The following IQCE variants were observed in gnomAD, a reference collection of about 807,000 sequenced individuals.
The protein encoded by IQCE is IQ motif containing E.
Under a neutral mutation model 96.0 loss-of-function variants are expected in IQCE, and 115 were observed. The observed-to-expected ratio is 1.20, with a 90% CI of 1.03 to 1.40. The LOEUF (loss-of-function observed/expected upper bound fraction) is 1.40, where lower values mean the gene tolerates loss of function less well. Ranked by LOEUF, IQCE falls within the 40% of genes most tolerant of loss-of-function variation. IQCE has a pLI of 0.00. For missense variants in IQCE, 1,041 were observed against 909.1 expected, an observed-to-expected ratio of 1.15 and a Z score of -1.87; for synonymous variants, 412 against 371.2, an observed-to-expected ratio of 1.11 and a Z score of -1.26.
In IQCE at chr7:2,559,289, C is replaced by T. The variant is rs529598955; in HGVS notation, c.36+72C>T. ...TCGGCTCGTCTCCGTCGCCCGCAGC[C>T]TCGGGGCCCCGCGCAGGGGCCGGCC... is the stretch of plus-strand genomic sequence containing the variant. On this transcript the variant is annotated intron_variant, in intron 1 of 21. Coordinates refer to ENST00000402050, the MANE Select transcript of IQCE (RefSeq NM_152558.5). 5.2e-4 allele frequency: 508 copies of T among 977,198 alleles called. 12 individuals are homozygous for T. In the East Asian group the frequency reaches 0.018, roughly 34 times the overall value. The allele number at this position is 977,198 out of a possible 1,614,324, so 60.5% of individuals were successfully genotyped here.
intron 18 of IQCE, among the ~76,000 whole-genome samples, chr7:2,603,308 C>T (rs888194290): frequency 8.5e-5 from 13 of 152,164 alleles, no homozygotes; most frequent in Admixed American, 5.9e-4. Flanking sequence ...GCCAGCCTCC[C>T]GTCAGAATGC....
At position 2,601,512 on chromosome 7, in the gene IQCE, T is replaced by C. The variant is rs1396176037; in HGVS notation, c.1632+48T>C. The stretch of plus-strand genomic sequence containing the variant: ...TTCAAAATTCGGATTTGTATTTTGT[T>C]GAAAAGTAGGTGAGGGGATATTTAA... On this transcript the variant is annotated intron_variant, in intron 18 of 21. Coordinates refer to ENST00000402050, the MANE Select transcript of IQCE (RefSeq NM_152558.5). The C allele has an allele frequency of 2.2e-6, 3 of 1,371,906 alleles. No individual in the cohort carries two copies. In the South Asian group the frequency reaches 3.5e-5, roughly 16 times the overall value. 85.0% of individuals were successfully genotyped at this position (1,371,906 alleles called of 1,614,324 possible). A position where few individuals can be genotyped will look rare whatever the true frequency, so the allele number is the denominator to read the frequency against.
At chr7:2,564,059 A>T (rs1021808843) in intron 1 of IQCE, among the ~76,000 whole-genome samples, 3 of 151,264 alleles carry the variant, frequency 2.0e-5, no homozygotes, top group African/African-American at 7.3e-5. Context: ...AATACAAAAA[A>T]AAATTAGCCT....
Position 2,593,889 on chromosome 7 carries a change from T to C in IQCE, c.1349+763T>C, listed in dbSNP as rs140885844. ...TGTGATGAGTCTTAACTTTTTAAAA[T>C]GCACAAAAAACTAGGTTAGAAATCT... is the stretch of plus-strand genomic sequence containing the variant. On this transcript the variant is annotated intron_variant, in intron 15 of 21. Transcript: ENST00000402050. Among the ~76,000 whole-genome samples, 243 of 152,294 alleles carry C rather than the reference T, an allele frequency of 1.6e-3. 2 individuals carry two copies. The Middle Eastern group carries it at 0.041, about 26-fold the overall frequency.
rs367913957 is a variant in IQCE at position 2,593,055 on chromosome 7, C to G, written c.1278C>G (p.Ala426=). Reference sequence around the variant, plus strand: ...TGAAGCAGCTCCTGCAGGCGAAGGCCGACCTGGAGAAGGAGCTGGAGTGCG... The same window carrying G: ...TGAAGCAGCTCCTGCAGGCGAAGGCGGACCTGGAGAAGGAGCTGGAGTGCG... ...LEVKQLLQAK[A]DLEKELECAR... The change falls in exon 15 of 22, where the codon GCC becomes GCG. Residue 426 remains alanine (A), a synonymous_variant. Coordinates refer to ENST00000402050, the MANE Select transcript of IQCE (RefSeq NM_152558.5). The G allele has an allele frequency of 1.2e-5, 19 of 1,610,736 alleles. 1 individual carries two copies. In the South Asian group the frequency reaches 2.1e-4, roughly 18 times the overall value.
intron 5 of IQCE, 67 bp from the exon 6 acceptor site, chr7:2,573,351 A>C (rs546643502): frequency 5.3e-5 from 42 of 789,594 alleles, no homozygotes; most frequent in African/African-American, 4.8e-4. Context: ...GTTTTCCTTA[A>C]AGTATAGCCA....
chr7:2,562,543 A>G (rs1781042181), intron 1 of IQCE, among the ~76,000 whole-genome samples: 1 of 149,520 alleles, frequency 6.7e-6, no homozygotes, highest in South Asian at 2.1e-4. Flanking sequence ...CAGCGAGACC[A>G]TGTGGTTCTG....
At chr7:2,589,101 C>T (rs1348902100) in intron 13 of IQCE, among the ~76,000 whole-genome samples, 1 of 152,190 alleles carries the variant, frequency 6.6e-6, no homozygotes, top group Non-Finnish European at 1.5e-5. Flanking sequence ...GGTACAATGA[C>T]TCACACCAGC....
At chr7:2,610,018 C>T (rs1554321540) in intron 21 of IQCE, 26 bp from the exon 22 acceptor site, 3 of 1,314,506 alleles carry the variant, frequency 2.3e-6, no homozygotes, top group Non-Finnish European at 3.3e-6. Flanking sequence ...GTGGCTGACC[C>T]CTCTCCCTGT....
At chr7:2,588,760 G>C (rs2128457234) in intron 13 of IQCE, among the ~76,000 whole-genome samples, 1 of 141,410 alleles carries the variant, frequency 7.1e-6, no homozygotes, top group South Asian at 2.2e-4. Context: ...TTGCCTCCTG[G>C]GTTCAGGCAG....
intron 17 of IQCE, among the ~76,000 whole-genome samples, chr7:2,599,014 A>G (rs1197060456): frequency 6.6e-6 from 1 of 151,814 alleles, no homozygotes; most frequent in Non-Finnish European, 1.5e-5. Flanking sequence ...CTTCCTATTC[A>G]CATTTCCCAA....
chr7:2,583,552 C>A, intron 9 of IQCE, 85 bp from the exon 10 acceptor site: 1 of 1,033,548 alleles, frequency 9.7e-7, no homozygotes, highest in Non-Finnish European at 1.4e-6. Context: ...CTCTCCTCTT[C>A]TGAACGTTCT....
intron 13 of IQCE, among the ~76,000 whole-genome samples, chr7:2,588,878 C>G (rs1783353386): frequency 6.6e-6 from 1 of 151,550 alleles, no homozygotes. Flanking sequence ...GTTGGCCAGA[C>G]TGGTCTCGAA....
At chr7:2,584,353 G>C in intron 11 of IQCE, 68 bp downstream of exon 11, 1 of 1,456,972 alleles carries the variant, frequency 6.9e-7, no homozygotes, top group Non-Finnish European at 9.6e-7. Flanking sequence ...CTCTGAGAAT[G>C]TGTGGCTGTC....
chr7:2,595,600 C>T (rs2969015), intron 16 of IQCE, among the ~76,000 whole-genome samples: 25,357 of 152,126 alleles, frequency 0.17, 2,543 homozygotes, highest in East Asian at 0.4. Context: ...TCTGTGGCTC[C>T]GAGGTCCCTG....
At chr7:2,609,036 G>C (rs1205620161) in intron 21 of IQCE, among the ~76,000 whole-genome samples, 1 of 151,984 alleles carries the variant, frequency 6.6e-6, no homozygotes, top group South Asian at 2.1e-4. Flanking sequence ...TTTTACTTTC[G>C]TCTTTCAAGG....
chr7:2,612,917 A>G lies in IQCE; in HGVS notation c.*2755A>G, dbSNP rs918059358. On this transcript the variant is annotated 3_prime_UTR_variant, in exon 22 of 22. Transcript: ENST00000402050. ...GAGACGAAGTAGAGAGTGAGTCCCC[A>G]AGAAAGGGACTCCTGCCCCAGCGTC... The G allele has an allele frequency of 3.9e-5, 6 of 152,196 alleles. No individual in the cohort carries two copies. The highest frequency in any genetic ancestry group is 1.2e-4 in the African/African-American group (5 of 41,390). 9.4% of individuals were successfully genotyped at this position (152,196 alleles called of 1,614,324 possible). A position where few individuals can be genotyped will look rare whatever the true frequency, so the allele number is the denominator to read the frequency against.
intron 19 of IQCE, among the ~76,000 whole-genome samples, chr7:2,605,444 C>A (rs1225989708): frequency 6.6e-6 from 1 of 152,088 alleles, no homozygotes; most frequent in East Asian, 1.9e-4. Context: ...CATGGTGAAA[C>A]TCTGTCTCTA....
Position 2,590,064 on chromosome 7 carries a change from A to G in IQCE, c.1202A>G (p.Lys401Arg), listed in dbSNP as rs916780057. 25 of 1,613,334 alleles carry G rather than the reference A, an allele frequency of 1.5e-5. No homozygotes were observed. The highest frequency in any genetic ancestry group is 1.9e-5 in the Non-Finnish European group (23 of 1,179,928). Residue 401 changes from lysine to arginine, a missense_variant, in exon 14 of 22, where the codon AAG becomes AGG. Physicochemically the swap from Lys to Arg is conservative, Grantham distance 26. Transcript: ENST00000402050. Reference sequence around the variant, plus strand: ...CTCCGAGGGGCTGTGAGAGACCTGAAGGAAGAGCGGACCGCGCTGCAGGAG... The same window carrying G: ...CTCCGAGGGGCTGTGAGAGACCTGAGGGAAGAGCGGACCGCGCTGCAGGAG... ...ERLRGAVRDLKEERTALQEQL... is the reference protein window; with the variant it reads ...ERLRGAVRDLREERTALQEQL...
Sources: allele counts gnomAD v4.1 joint callset (sites outside exome capture counted in the v4.1 genomes callset), GRCh38; gene constraint gnomAD v4.1.1; transcripts MANE v1.5; gene names NCBI Gene and HGNC (gene_info 2026-07-23, HGNC 2026-07-21).